PCDHGA3: variants seen among roughly 807,000 people sequenced by gnomAD.
The protein encoded by PCDHGA3 is protocadherin gamma-A3.
A neutral mutation model predicts 58.5 loss-of-function variants in PCDHGA3; 40 were observed. That is an observed-to-expected ratio of 0.68 (90% CI 0.53 to 0.89). The LOEUF (loss-of-function observed/expected upper bound fraction) is 0.89, where lower values mean the gene tolerates loss of function less well. Among genes scored for constraint, PCDHGA3 ranks in the 40% least tolerant of loss-of-function variants. The probability of loss-of-function intolerance (pLI) is 0.00; values close to 1 mark genes in which losing one functional copy is unlikely to be tolerated. For synonymous variants in PCDHGA3, 530 were observed against 525.7 expected, an observed-to-expected ratio of 1.01 and a Z score of -0.11; for missense variants, 1,223 against 1,195.9, an observed-to-expected ratio of 1.02 and a Z score of -0.33.
intron 1 of PCDHGA3, among the ~76,000 whole-genome samples, chr5:141,450,503 T>G (rs1196541899): frequency 3.3e-5 from 5 of 152,258 alleles, no homozygotes; most frequent in Admixed American, 6.5e-5. Context: ...TTGTTTGTTT[T>G]GAGATGGAGT....
intron 1 of PCDHGA3, chr5:141,362,686 T>G: frequency 8.8e-7 from 1 of 1,140,560 alleles, no homozygotes; most frequent in Non-Finnish European, 1.2e-6. Flanking sequence ...TGTCTTAATC[T>G]TATCTAACTG....
intron 1 of PCDHGA3, among the ~76,000 whole-genome samples, chr5:141,482,053 C>G (rs2099551080): frequency 6.6e-6 from 1 of 150,558 alleles, no homozygotes; most frequent in Non-Finnish European, 1.5e-5. Flanking sequence ...CTGTTGCATT[C>G]CAGCCTGGGC....
chr5:141,364,281 A>T, intron 1 of PCDHGA3: 2 of 1,516,544 alleles, frequency 1.3e-6, no homozygotes, highest in South Asian at 2.7e-5. Context: ...ATAAATAAGG[A>T]AACAGCAGGC....
At chr5:141,347,752 A>G (rs1758010399) in intron 1 of PCDHGA3, among the ~76,000 whole-genome samples, 1 of 150,886 alleles carries the variant, frequency 6.6e-6, no homozygotes, top group Non-Finnish European at 1.5e-5. Context: ...GGGCCACTGC[A>G]CTCCAGCTGG....
rs1210691847 is a variant in PCDHGA3, at chr5:141,432,985, C to T, written c.2425-61822C>T. The stretch of plus-strand genomic sequence containing the variant: ...GAGCGCCGGCGTCGCACTTTGTGGG[C>T]GTGGACGGGGTGCAGGCTTTCCTGC... On this transcript the variant is annotated intron_variant, in intron 1 of 3. Transcript: ENST00000253812. The surrounding 1 kb of genome is among the most constrained non-coding windows in gnomAD (Gnocchi z 6.0). The T allele has an allele frequency of 3.1e-6, 5 of 1,614,176 alleles. No individual in the cohort carries two copies. The highest frequency in any genetic ancestry group is 4.2e-6 in the Non-Finnish European group (5 of 1,180,034).
At chr5:141,386,978 T>C (rs1267866332) in intron 1 of PCDHGA3, among the ~76,000 whole-genome samples, 1 of 152,172 alleles carries the variant, frequency 6.6e-6, no homozygotes, top group Non-Finnish European at 1.5e-5. Flanking sequence ...GACTTTGTGT[T>C]TTGAGGCTAT....
intron 1 of PCDHGA3, among the ~76,000 whole-genome samples, chr5:141,494,392 A>C (rs1296077484): frequency 1.3e-5 from 2 of 152,258 alleles, no homozygotes; most frequent in East Asian, 3.9e-4. Flanking sequence ...GAGTTGAATA[A>C]ATTCATTCTA....
At chr5:141,349,321 T>A (rs1169354702) in intron 1 of PCDHGA3, among the ~76,000 whole-genome samples, 1 of 152,150 alleles carries the variant, frequency 6.6e-6, no homozygotes, top group Non-Finnish European at 1.5e-5. Context: ...CTTCCCACCT[T>A]GGCCTCCCAA....
intron 1 of PCDHGA3, among the ~76,000 whole-genome samples, chr5:141,457,968 G>A (rs919621979): frequency 6.6e-6 from 1 of 152,120 alleles, no homozygotes; most frequent in African/African-American, 2.4e-5. Context: ...TTCCTTAAAG[G>A]GAAACACACC....
chr5:141,355,667 A>T, intron 1 of PCDHGA3: 1 of 1,614,018 alleles, frequency 6.2e-7, no homozygotes, highest in Non-Finnish European at 8.5e-7. Context: ...CCTCTTCCTG[A>T]AGCTTTTGAT....
At chr5:141,350,620 C>A (rs1354304006) in intron 1 of PCDHGA3, 2 of 1,613,990 alleles carry the variant, frequency 1.2e-6, no homozygotes, top group Non-Finnish European at 1.7e-6. Context: ...TTGTTGTAAT[C>A]CAAGATATTA....
At chr5:141,413,034 G>C in intron 1 of PCDHGA3, 1 of 783,270 alleles carries the variant, frequency 1.3e-6, no homozygotes, top group East Asian at 2.8e-5. Context: ...CAAACCGGCT[G>C]CTGGGCTGCA....
chr5:141,405,332 T>C, intron 1 of PCDHGA3: 1 of 1,614,222 alleles, frequency 6.2e-7, no homozygotes, highest in Non-Finnish European at 8.5e-7. Flanking sequence ...TTTGTGCGTC[T>C]CTGTTGATTC....
intron 1 of PCDHGA3, chr5:141,426,709 A>G (rs1259104705): frequency 6.8e-6 from 3 of 443,800 alleles, no homozygotes; most frequent in South Asian, 3.1e-5. Flanking sequence ...TTACAAATCA[A>G]TGAACTAGCA....
chr5:141,460,454 T>A (rs1010186960), intron 1 of PCDHGA3, among the ~76,000 whole-genome samples: 6 of 152,194 alleles, frequency 3.9e-5, no homozygotes, highest in Admixed American at 3.3e-4. Flanking sequence ...TGAAGATTCA[T>A]ATTTTTTTCC....
At chr5:141,429,297 T>C (rs985228754) in intron 1 of PCDHGA3, 7 of 152,208 alleles carry the variant, frequency 4.6e-5, no homozygotes, top group Admixed American at 3.3e-4. Flanking sequence ...GGGACATCAA[T>C]ATTTGAGTAT....
intron 1 of PCDHGA3, chr5:141,415,483 A>G: frequency 6.2e-7 from 1 of 1,614,212 alleles, no homozygotes; most frequent in South Asian, 1.1e-5. Context: ...CTCGCGAAAG[A>G]GTCACCTGAT....
At chr5:141,421,088 C>A in intron 1 of PCDHGA3, 2 of 659,434 alleles carry the variant, frequency 3.0e-6, no homozygotes, top group South Asian at 4.0e-5. Flanking sequence ...CTCACAGATC[C>A]TGACACTGGA....
In PCDHGA3 at chr5:141,511,070, G is replaced by A. The variant is rs1341623011; in HGVS notation, c.2696G>A (p.Gly899Asp). ...PDYRQNVYIP[G>D]SNATLTNAAG... ...TACCGCCAGAATGTCTACATCCCAG[G>A]CAGCAATGCCACACTGACCAACGCA... The change falls in exon 4 of 4, where the codon GGC (glycine) becomes GAC (aspartate). Residue 899 changes from glycine to aspartate, a missense_variant. Physicochemically the swap from Gly to Asp is moderately conservative, Grantham distance 94 (BLOSUM62 -1). Transcript: ENST00000253812. 2.5e-6 allele frequency: 4 copies of A among 1,614,218 alleles called. No homozygotes were observed. Among genetic ancestry groups the A allele is most frequent in the Admixed American group, 1.7e-5 (1 of 60,030 alleles).
Sources: allele counts gnomAD v4.1 joint callset (sites outside exome capture counted in the v4.1 genomes callset), GRCh38; gene constraint gnomAD v4.1.1; non-coding constraint Gnocchi (gnomAD v3.1); transcripts MANE v1.5; gene names NCBI Gene and HGNC (gene_info 2026-07-23, HGNC 2026-07-21).